Variants in PRKD1 observed in about 807,000 individuals in gnomAD.
The protein encoded by PRKD1 is serine/threonine-protein kinase D1.
In PRKD1, 63 loss-of-function variants were observed where a neutral mutation model predicts 95.9. The observed-to-expected ratio is 0.66, with a 90% CI of 0.54 to 0.81. PRKD1 has a LOEUF of 0.81. Ranked by LOEUF, PRKD1 falls within the 30% of genes least tolerant of loss-of-function variation. The pLI, the probability that PRKD1 is intolerant of heterozygous loss-of-function variation, is 0.00. For synonymous variants in PRKD1, 425 were observed against 423.1 expected (o/e 1.00, Z -0.05); for missense variants, 1,048 against 1,165.3 (o/e 0.90, Z 1.47).
chr14:29,901,700 G>C (rs1459495283), intron 1 of PRKD1, among the ~76,000 whole-genome samples: 1 of 152,120 alleles, frequency 6.6e-6, no homozygotes, highest in Non-Finnish European at 1.5e-5. Context: ...AACAGCAATA[G>C]TAGAAAATGT....
At chr14:29,744,737 G>T (rs1370141099) in intron 1 of PRKD1, among the ~76,000 whole-genome samples, 6 of 152,078 alleles carry the variant, frequency 3.9e-5, no homozygotes, top group Non-Finnish European at 8.8e-5. Flanking sequence ...TAGTACAGAT[G>T]AGGTTTTACC....
chr14:29,744,947 C>G (rs1887145052), intron 1 of PRKD1, among the ~76,000 whole-genome samples: 2 of 152,192 alleles, frequency 1.3e-5, no homozygotes, highest in South Asian at 4.1e-4. Flanking sequence ...AGGCTCTCAT[C>G]CAAACTATTA....
Position 29,858,795 on chromosome 14 carries a change from T to C in PRKD1, c.264+68454A>G, listed in dbSNP as rs527935663. ...AGCCAAATCACACAGAACTGAAAGATATTCTCATTTCTTTTTCCATAGGAA... is the reference window on the plus strand; with the variant it reads ...AGCCAAATCACACAGAACTGAAAGACATTCTCATTTCTTTTTCCATAGGAA... On this transcript the variant is annotated intron_variant, in intron 1 of 17. Transcript: ENST00000331968. 5.9e-5 allele frequency among the ~76,000 whole-genome samples: 9 copies of C among 152,296 alleles called. No homozygotes were observed. In the East Asian group the frequency reaches 1.4e-3, roughly 23 times the overall value.
chr14:29,909,819 A>C (rs1210146538), intron 1 of PRKD1, among the ~76,000 whole-genome samples: 1 of 151,950 alleles, frequency 6.6e-6, no homozygotes, highest in African/African-American at 2.4e-5. Flanking sequence ...ACCAATCAGC[A>C]CCCTGTGTCT....
intron 1 of PRKD1, among the ~76,000 whole-genome samples, chr14:29,817,433 T>C (rs1433607857): frequency 6.6e-6 from 1 of 152,206 alleles, no homozygotes; most frequent in African/African-American, 2.4e-5. Flanking sequence ...TAGTTTTCAC[T>C]AACTCATACC....
At chr14:29,620,921 C>A (rs1423176225) in intron 13 of PRKD1, among the ~76,000 whole-genome samples, 1 of 151,764 alleles carries the variant, frequency 6.6e-6, no homozygotes, top group Non-Finnish European at 1.5e-5. Context: ...GACTTGGAAC[C>A]AACCCAAATG....
chr14:29,585,424 A>G (rs1566467127), intron 16 of PRKD1, among the ~76,000 whole-genome samples: 1 of 151,838 alleles, frequency 6.6e-6, no homozygotes, highest in East Asian at 1.9e-4. Context: ...ATCAATGGTT[A>G]CTCCTTTGCT....
intron 1 of PRKD1, among the ~76,000 whole-genome samples, chr14:29,872,756 A>T (rs1893158139): frequency 6.6e-6 from 1 of 152,170 alleles, no homozygotes; most frequent in Admixed American, 6.5e-5. Flanking sequence ...TGTGGAACAA[A>T]TCAATCTACA....
rs45579338 is a variant in PRKD1 at position 29,794,832 on chromosome 14, T to A, written c.265-69158A>T. 2.6e-5 allele frequency among the ~76,000 whole-genome samples: 4 copies of A among 152,240 alleles called. No homozygotes were observed. In the East Asian group the frequency reaches 7.7e-4, roughly 29 times the overall value. On this transcript the variant is annotated intron_variant, in intron 1 of 17. Coordinates refer to ENST00000331968, the MANE Select transcript of PRKD1 (RefSeq NM_002742.3). ...CCAAAAGATAGAATCAAAGGTATGA[T>A]CACAGTTGTAACCCTCCCAATATTG...
In PRKD1 at chr14:29,775,359, C is replaced by T. The variant is rs201750469; in HGVS notation, c.265-49685G>A. ...GAAGCAGGGCGAGGCATCGCCTCACCCGGGAAAAGCAAAGGGTCAGGGAAT... is the reference window on the plus strand; with the variant it reads ...GAAGCAGGGCGAGGCATCGCCTCACTCGGGAAAAGCAAAGGGTCAGGGAAT... On this transcript the variant is annotated intron_variant, in intron 1 of 17. Coordinates refer to ENST00000331968, the MANE Select transcript of PRKD1 (RefSeq NM_002742.3). Among the ~76,000 whole-genome samples the T allele has an allele frequency of 2.1e-4, 32 of 152,294 alleles. No homozygotes were observed. The East Asian group carries it at 6.0e-3, about 29-fold the overall frequency.
At chr14:29,759,984 G>A (rs552571725) in intron 1 of PRKD1, among the ~76,000 whole-genome samples, 3 of 152,258 alleles carry the variant, frequency 2.0e-5, no homozygotes, top group South Asian at 2.1e-4. Flanking sequence ...CAGCCATACC[G>A]TTGACTATAA....
At chr14:29,738,927 G>C (rs1339508238) in intron 1 of PRKD1, among the ~76,000 whole-genome samples, 3 of 151,744 alleles carry the variant, frequency 2.0e-5, no homozygotes, top group South Asian at 2.1e-4. Context: ...CACTTCCCAG[G>C]TTGAAGTGAG....
rs149055040 is a variant in PRKD1 at position 29,725,612 on chromosome 14, G to A, written c.327C>T (p.Thr109=). 227 of 1,613,752 alleles carry A rather than the reference G, an allele frequency of 1.4e-4. No homozygotes were observed. In the African/African-American group the frequency reaches 1.6e-3, roughly 12 times the overall value. Residue 109 remains threonine, a synonymous_variant, in exon 2 of 18, where the codon ACC becomes ACT. Transcript: ENST00000331968. The part of the protein sequence containing the change: ...DKILLFRHDP[T]SENILQLVKA... ...TCACCAGCTGAAGGATGTTTTCAGA[G>A]GTAGGGTCATGGCGAAAAAGCAGGA...
chr14:29,814,236 C>T (rs1044393507), intron 1 of PRKD1, among the ~76,000 whole-genome samples: 5 of 152,096 alleles, frequency 3.3e-5, no homozygotes, highest in African/African-American at 1.2e-4. Flanking sequence ...ATTGTCTGTC[C>T]CACTACATAA....
At chr14:29,741,335 A>G (rs1886971083) in intron 1 of PRKD1, among the ~76,000 whole-genome samples, 1 of 152,164 alleles carries the variant, frequency 6.6e-6, no homozygotes, top group African/African-American at 2.4e-5. Flanking sequence ...CCTCTCAATC[A>G]TATTTCTATA....
At chr14:29,739,817 G>A (rs4981716) in intron 1 of PRKD1, among the ~76,000 whole-genome samples, 27,331 of 152,028 alleles carry the variant, frequency 0.18, 2,722 homozygotes, top group South Asian at 0.26. Flanking sequence ...GATACTTAAT[G>A]GTTGGCAAAA....
intron 13 of PRKD1, 78 bp from the exon 14 acceptor site, chr14:29,599,895 T>C (rs2139015209): frequency 7.3e-7 from 1 of 1,360,664 alleles, no homozygotes; most frequent in Non-Finnish European, 1.0e-6. Context: ...TATACAAAAC[T>C]GTTCAAGCTT....
At chr14:29,813,164 T>C (rs1450158793) in intron 1 of PRKD1, among the ~76,000 whole-genome samples, 2 of 152,156 alleles carry the variant, frequency 1.3e-5, no homozygotes, top group Non-Finnish European at 2.9e-5. Context: ...AATGAAAATA[T>C]GCATTCTAGA....
chr14:29,661,439 G>A (rs1000859106), intron 4 of PRKD1, among the ~76,000 whole-genome samples: 1 of 152,054 alleles, frequency 6.6e-6, no homozygotes, highest in Non-Finnish European at 1.5e-5. Flanking sequence ...ATAGTTATTG[G>A]TGTTACTGGG....
Sources: allele counts gnomAD v4.1 joint callset (sites outside exome capture counted in the v4.1 genomes callset), GRCh38; gene constraint gnomAD v4.1.1; transcripts MANE v1.5; gene names NCBI Gene and HGNC (gene_info 2026-07-23, HGNC 2026-07-21).